Variants in CUL2 observed in about 807,000 individuals in gnomAD.
CUL2 encodes cullin-2.
CUL2 carries 22 observed loss-of-function variants against 110.2 expected under a neutral mutation model. That is an observed-to-expected ratio of 0.20 (90% CI 0.14 to 0.28). The LOEUF (loss-of-function observed/expected upper bound fraction) is 0.28, where lower values mean the gene tolerates loss of function less well. Ranked by LOEUF, CUL2 falls within the 10% of genes least tolerant of loss-of-function variation. The probability of loss-of-function intolerance (pLI) is 1.00; values close to 1 mark genes in which losing one functional copy is unlikely to be tolerated. For missense variants in CUL2, 631 were observed against 905.5 expected (o/e 0.70, Z 3.89); for synonymous variants, 279 against 293.2 (o/e 0.95, Z 0.49).
intron 1 of CUL2, among the ~76,000 whole-genome samples, chr10:35,124,605 T>C (rs1163316456): frequency 1.3e-5 from 2 of 151,994 alleles, no homozygotes; most frequent in South Asian, 2.1e-4. Flanking sequence ...GAAATGTAAA[T>C]GTGCAACCCG....
Position 35,085,980 on chromosome 10 carries a change from G to A in CUL2, c.-23+4199C>T, listed in dbSNP as rs552685583. ...CAATATACCCGGGTAACAAACCTAC[G>A]TGTGTACCTCCTGAATCTAAAATGA... On this transcript the variant is annotated intron_variant, in intron 1 of 20. Transcript: ENST00000374749. Among the ~76,000 whole-genome samples, 8 of 152,186 alleles carry A rather than the reference G, an allele frequency of 5.3e-5. No homozygotes were observed. In the East Asian group the frequency reaches 1.4e-3, roughly 26 times the overall value.
At chr10:35,066,433 G>C (rs115115176) in intron 2 of CUL2, among the ~76,000 whole-genome samples, 3,486 of 152,028 alleles carry the variant, frequency 0.023, 143 homozygotes, top group African/African-American at 0.079. Context: ...GAGTAGCTGG[G>C]ATTACAGTTG....
chr10:35,102,920 A>G (rs1370608238), intron 1 of CUL2, among the ~76,000 whole-genome samples: 3 of 152,134 alleles, frequency 2.0e-5, no homozygotes, highest in Non-Finnish European at 4.4e-5. Flanking sequence ...GAAACAACCT[A>G]GGTGACAATG....
intron 1 of CUL2, among the ~76,000 whole-genome samples, chr10:35,085,213 G>A (rs917564519): frequency 1.9e-4 from 29 of 151,808 alleles, no homozygotes; most frequent in African/African-American, 7.0e-4. Flanking sequence ...CAGATCACAA[G>A]GTCAGGAGAT....
At chr10:35,117,880 T>C (rs950556532) in intron 1 of CUL2, among the ~76,000 whole-genome samples, 2 of 152,220 alleles carry the variant, frequency 1.3e-5, no homozygotes, top group African/African-American at 4.8e-5. Flanking sequence ...TTTGTTTTCT[T>C]AATAGACTTG....
intron 12 of CUL2, among the ~76,000 whole-genome samples, chr10:35,032,008 ATAAG>A (rs997978186): frequency 4.6e-5 from 7 of 152,236 alleles, no homozygotes; most frequent in African/African-American, 1.7e-4. Flanking sequence ...AGCAACTGAT[ATAAG>A]TAATACAAAT....
intron 1 of CUL2, among the ~76,000 whole-genome samples, chr10:35,086,618 T>C (rs1037262881): frequency 2.0e-5 from 3 of 151,718 alleles, no homozygotes; most frequent in Non-Finnish European, 2.9e-5. Flanking sequence ...TCCACACCTG[T>C]AGGTCAAAAA....
chr10:35,103,619 G>A lies in CUL2; in HGVS notation c.-50-2559C>T, dbSNP rs558638117. Among the ~76,000 whole-genome samples, 390 of 151,970 alleles carry A rather than the reference G, an allele frequency of 2.6e-3. 3 individuals are homozygous for A. The highest frequency in any genetic ancestry group is 9.0e-3 in the African/African-American group (372 of 41,478). ...ATTACAGGCGTGAGCCACCGCGCCC[G>A]GCCTAATTTTTTGTATTTTTAATAG... is the stretch of plus-strand genomic sequence containing the variant. On this transcript the variant is annotated intron_variant, in intron 1 of 5. Coordinates refer to the CUL2 transcript ENST00000685421.
At position 35,063,003 on chromosome 10, in the gene CUL2, T is replaced by G; in HGVS notation, c.179A>C (p.Glu60Ala). 6.2e-7 allele frequency: 1 copy of G among 1,611,728 alleles called. No homozygotes were observed. The highest frequency in any genetic ancestry group is 8.5e-7 in the Non-Finnish European group (1 of 1,178,020). Residue 60 changes from glutamate to alanine, a missense_variant, in exon 3 of 21, where the codon GAA becomes GCA. Coordinates refer to ENST00000374749, the MANE Select transcript of CUL2 (RefSeq NM_003591.4). ...PEPLGERLYT[E>A]TKIFLENHVR... ...ATGATTTTCCAAAAAAATCTTAGTT[T>G]CTGTATAAAGTCTTTCTCCAAGGGG...
At chr10:35,081,477 G>A (rs577655931) in intron 1 of CUL2, among the ~76,000 whole-genome samples, 6 of 152,142 alleles carry the variant, frequency 3.9e-5, no homozygotes, top group African/African-American at 9.6e-5. Flanking sequence ...ATGTATCCCC[G>A]ATCTCAGGTA....
intron 10 of CUL2, among the ~76,000 whole-genome samples, chr10:35,033,724 G>C (rs1778784534): frequency 6.8e-6 from 1 of 148,114 alleles, no homozygotes; most frequent in African/African-American, 2.5e-5. Flanking sequence ...GCGACAGAGT[G>C]AGACTCCGTC....
intron 16 of CUL2, among the ~76,000 whole-genome samples, chr10:35,027,958 A>C (rs1210380744): frequency 2.0e-5 from 3 of 152,222 alleles, no homozygotes; most frequent in Non-Finnish European, 4.4e-5. Flanking sequence ...AAGAGGAAAG[A>C]AAAAACTAAA....
rs1335011115 is a variant in CUL2, at chr10:35,054,426, T to G, written c.423+8A>C. 6.9e-7 allele frequency: 1 copy of G among 1,448,246 alleles called. No individual in the cohort carries two copies. Among genetic ancestry groups the G allele is most frequent in the Admixed American group, 2.0e-5 (1 of 50,398 alleles). 89.7% of individuals were successfully genotyped at this position (1,448,246 alleles called of 1,614,324 possible). A position where few individuals can be genotyped will look rare whatever the true frequency, so the allele number is the denominator to read the frequency against. On this transcript the variant is annotated splice_region_variant and intron_variant, in intron 5 of 20. Transcript: ENST00000374749. ...TTATGTTTGCTAGTCACTTAAAGAA[T>G]GTCCTACCTCTCCTATTTCCATAAG... is the stretch of plus-strand genomic sequence containing the variant.
At chr10:35,040,161 A>G (rs1279234615) in intron 8 of CUL2, among the ~76,000 whole-genome samples, 1 of 152,222 alleles carries the variant, frequency 6.6e-6, no homozygotes, top group African/African-American at 2.4e-5. Flanking sequence ...CTCAAAAAAT[A>G]AATATAAATA....
intron 2 of CUL2, chr10:35,099,646 C>A (rs546520668): frequency 2.0e-5 from 3 of 151,972 alleles, no homozygotes; most frequent in Non-Finnish European, 4.4e-5. Flanking sequence ...TGTGGTGGTG[C>A]ATGCCTATGA....
chr10:35,050,902 A>G (rs555468884), intron 5 of CUL2, among the ~76,000 whole-genome samples: 1 of 152,226 alleles, frequency 6.6e-6, no homozygotes, highest in South Asian at 2.1e-4. Flanking sequence ...AATCAAGCCA[A>G]ATGATTTTCC....
intron 2 of CUL2, among the ~76,000 whole-genome samples, chr10:35,070,474 C>T (rs1468219699): frequency 1.3e-5 from 2 of 152,190 alleles, no homozygotes; most frequent in South Asian, 4.1e-4. Context: ...GAGGGCAGCC[C>T]TTCTGTAGCC....
At chr10:35,118,614 G>T (rs1295320048) in intron 1 of CUL2, 2 of 151,978 alleles carry the variant, frequency 1.3e-5, no homozygotes, top group Non-Finnish European at 2.9e-5. Flanking sequence ...ACTTTCTCTG[G>T]TATAGCTAGT....
intron 18 of CUL2, among the ~76,000 whole-genome samples, chr10:35,015,665 AAAGT>A (rs2085008723): frequency 6.6e-6 from 1 of 152,196 alleles, no homozygotes; most frequent in Non-Finnish European, 1.5e-5. Flanking sequence ...ACAGAGAAAA[AAAGT>A]AATATACTAA....
Sources: allele counts gnomAD v4.1 joint callset (sites outside exome capture counted in the v4.1 genomes callset), GRCh38; gene constraint gnomAD v4.1.1; transcripts MANE v1.5; gene names NCBI Gene and HGNC (gene_info 2026-07-23, HGNC 2026-07-21).